The following NUP210L variants were observed in gnomAD, a reference collection of about 807,000 sequenced individuals.
NUP210L encodes nuclear pore membrane glycoprotein 210-like.
NUP210L carries 74 observed loss-of-function variants against 208.5 expected under a neutral mutation model. The observed-to-expected ratio is 0.35, with a 90% CI of 0.29 to 0.43. The LOEUF (loss-of-function observed/expected upper bound fraction) is 0.43, where lower values mean the gene tolerates loss of function less well. Among genes scored for constraint, NUP210L ranks in the 20% least tolerant of loss-of-function variants. The pLI is 1.00. For missense variants in NUP210L, 1,843 were observed against 2,289.4 expected (o/e 0.81, Z 3.98); for synonymous variants, 780 against 816.9 (o/e 0.95, Z 0.77).
intron 37 of NUP210L, among the ~76,000 whole-genome samples, chr1:153,996,120 G>A (rs1017691136): frequency 4.6e-5 from 7 of 151,916 alleles, no homozygotes; most frequent in East Asian, 1.9e-4. Flanking sequence ...GTGAAACCCC[G>A]TCTCTACTAA....
chr1:154,094,335 G>C (rs1387757216), intron 15 of NUP210L, among the ~76,000 whole-genome samples: 1 of 152,078 alleles, frequency 6.6e-6, no homozygotes, highest in Non-Finnish European at 1.5e-5. Flanking sequence ...GTGTGTGCCT[G>C]TAATCCCAGC....
chr1:154,013,019 A>AAAC (rs1240606057), intron 33 of NUP210L, among the ~76,000 whole-genome samples: 10 of 150,058 alleles, frequency 6.7e-5, no homozygotes, highest in Admixed American at 1.3e-4. Context: ...AAAAAAAAAA[A>AAAC]AAAAACAAAG....
chr1:154,081,721 C>CCTA (rs1317199945), intron 16 of NUP210L, among the ~76,000 whole-genome samples: 2 of 152,186 alleles, frequency 1.3e-5, no homozygotes, highest in Non-Finnish European at 2.9e-5. Flanking sequence ...GTGGTTCACA[C>CCTA]CTACAATCCC....
At chr1:154,053,591 A>G (rs1455001067) in intron 25 of NUP210L, among the ~76,000 whole-genome samples, 1 of 152,234 alleles carries the variant, frequency 6.6e-6, no homozygotes, top group African/African-American at 2.4e-5. Flanking sequence ...GCGGAAAACC[A>G]CTTAAGGCAT....
chr1:154,005,990 G>A (rs1375016057), intron 35 of NUP210L, among the ~76,000 whole-genome samples: 2 of 151,410 alleles, frequency 1.3e-5, no homozygotes, highest in African/African-American at 4.9e-5. Flanking sequence ...CCAAAGTGCT[G>A]GGATTACAGG....
chr1:154,148,621 T>C (rs1245156506), intron 2 of NUP210L, among the ~76,000 whole-genome samples: 1 of 152,226 alleles, frequency 6.6e-6, no homozygotes, highest in Non-Finnish European at 1.5e-5. Flanking sequence ...AAAGGGTATA[T>C]GGGAACTTTC....
Position 154,046,062 on chromosome 1 carries a change from T to C in NUP210L, c.3696+7A>G. ...TAAGATAACACAATAAACAGGCAAA[T>C]TCTTACCTCTGAATGCCTGGGCACT... On this transcript the variant is annotated splice_region_variant and intron_variant, in intron 27 of 39. Coordinates refer to ENST00000368559, the Ensembl canonical transcript of NUP210L. 1 of 1,612,538 alleles carries C rather than the reference T, an allele frequency of 6.2e-7. No individual in the cohort carries two copies.
At chr1:154,125,684 A>G (rs1657881457) in intron 10 of NUP210L, among the ~76,000 whole-genome samples, 10 of 6,936 alleles carry the variant, frequency 1.4e-3, no homozygotes, top group African/African-American at 2.4e-3. Context: ...GAAGGAAGGA[A>G]GGAAGGAAGG....
chr1:154,099,982 C>T lies in NUP210L; in HGVS notation c.1965+16G>A, dbSNP rs1260825167. 6.2e-7 allele frequency: 1 copy of T among 1,613,252 alleles called. No homozygotes were observed. The highest frequency in any genetic ancestry group is 2.2e-5 in the East Asian group (1 of 44,892). ...CATTAAAAGAAATGCCAGTTCCTTA[C>T]CATGAAATATCTTACCTTTAGGGGT... On this transcript the variant is annotated intron_variant, in intron 14 of 39. Coordinates refer to ENST00000368559, the Ensembl canonical transcript of NUP210L.
At chr1:154,128,051 A>G (rs1461832104) in intron 8 of NUP210L, among the ~76,000 whole-genome samples, 1 of 151,866 alleles carries the variant, frequency 6.6e-6, no homozygotes, top group Non-Finnish European at 1.5e-5. Context: ...TATAGTAGAG[A>G]CAGGGTTTCA....
At chr1:154,098,697 A>T (rs965675974) in intron 14 of NUP210L, among the ~76,000 whole-genome samples, 2 of 152,164 alleles carry the variant, frequency 1.3e-5, no homozygotes, top group Non-Finnish European at 2.9e-5. Flanking sequence ...TGATTGGTCC[A>T]TGGGCAGCCA....
intron 27 of NUP210L, among the ~76,000 whole-genome samples, chr1:154,043,338 G>A (rs974271098): frequency 1.0e-4 from 15 of 149,310 alleles, no homozygotes; most frequent in Non-Finnish European, 3.0e-5. Context: ...TTTTGAGATG[G>A]AGTTTCACTC....
chr1:154,125,552 G>A (rs981160514), intron 10 of NUP210L, among the ~76,000 whole-genome samples: 2 of 149,080 alleles, frequency 1.3e-5, no homozygotes, highest in Non-Finnish European at 3.0e-5. Flanking sequence ...AGCCTGGGAG[G>A]TCCAGGCTGC....
intron 35 of NUP210L, among the ~76,000 whole-genome samples, chr1:154,009,404 G>A (rs1650768342): frequency 6.6e-6 from 1 of 151,994 alleles, no homozygotes; most frequent in African/African-American, 2.4e-5. Flanking sequence ...ACACAATGCA[G>A]AGCCTCACAG....
intron 10 of NUP210L, among the ~76,000 whole-genome samples, chr1:154,121,061 G>A (rs932495762): frequency 6.6e-6 from 1 of 151,814 alleles, no homozygotes; most frequent in Non-Finnish European, 1.5e-5. Context: ...TCTCTTATGG[G>A]GATCTCATGC....
At chr1:153,995,218 T>C in intron 37 of NUP210L, 38 bp from the exon 38 acceptor site, 13 of 1,389,940 alleles carry the variant, frequency 9.4e-6, no homozygotes, top group Non-Finnish European at 1.2e-5. Context: ...TAATAGTTAA[T>C]AGCAACCATG....
rs568743788 is a variant in NUP210L, at chr1:154,039,125, T to C, written c.3696+6944A>G. 1.9e-4 allele frequency among the ~76,000 whole-genome samples: 29 copies of C among 152,286 alleles called. No individual in the cohort carries two copies. In the South Asian group the frequency reaches 2.1e-3, roughly 11 times the overall value. ...GAGTTTTGTATCTTCAGATGATTTC[T>C]TACTGCCCATTAATGTCCTTTTCTT... On this transcript the variant is annotated intron_variant, in intron 27 of 39. Transcript: ENST00000368559.
At chr1:154,076,720 T>C (rs1296511691) in intron 16 of NUP210L, among the ~76,000 whole-genome samples, 1 of 151,944 alleles carries the variant, frequency 6.6e-6, no homozygotes, top group Non-Finnish European at 1.5e-5. Flanking sequence ...ATCAGAGACC[T>C]GTGGGACACC....
intron 33 of NUP210L, among the ~76,000 whole-genome samples, chr1:154,014,214 G>T (rs1293492101): frequency 1.3e-5 from 2 of 152,080 alleles, no homozygotes; most frequent in African/African-American, 4.8e-5. Context: ...TTGTATTTCT[G>T]GAGGCCAGCA....
Sources: gnomAD v4.1 joint callset for allele counts (sites outside exome capture counted in the v4.1 genomes callset) on GRCh38, gnomAD v4.1.1 for gene constraint, MANE v1.5 for transcripts, NCBI Gene and HGNC (gene_info 2026-07-23, HGNC 2026-07-21) for gene names.